PRKN: variants seen among roughly 807,000 people sequenced by gnomAD.
PRKN encodes the protein parkin RBR E3 ubiquitin protein ligase.
PRKN carries 56 observed loss-of-function variants against 59.5 expected under a neutral mutation model. The ratio of observed to expected loss-of-function variants is 0.94; its 90% CI spans 0.76 to 1.18. The LOEUF (loss-of-function observed/expected upper bound fraction) is 1.18. Ranked by LOEUF, PRKN falls within the 50% of genes most tolerant of loss-of-function variation. The pLI is 0.00. For missense variants in PRKN, 657 were observed against 596.4 expected (o/e 1.10, Z -1.06); for synonymous variants, 250 against 222.1 (o/e 1.13, Z -1.12).
At chr6:162,404,070 G>A (rs6455821) in intron 2 of PRKN, among the ~76,000 whole-genome samples, 15,703 of 152,076 alleles carry the variant, frequency 0.1, 1,003 homozygotes, top group African/African-American at 0.18. Context: ...TCATCTGTCA[G>A]TTTAGAAATA....
intron 7 of PRKN, among the ~76,000 whole-genome samples, chr6:161,626,240 T>C (rs981317920): frequency 2.6e-5 from 4 of 152,108 alleles, no homozygotes; most frequent in South Asian, 4.1e-4. Context: ...TTACTGGCTG[T>C]GCGGCTGTTA....
intron 4 of PRKN, among the ~76,000 whole-genome samples, chr6:162,124,940 G>T (rs564337502): frequency 6.6e-6 from 1 of 152,302 alleles, no homozygotes. Flanking sequence ...AAGTGTCAAA[G>T]AAGTCAGGGA....
intron 9 of PRKN, among the ~76,000 whole-genome samples, chr6:161,482,135 A>G (rs1791432574): frequency 6.6e-6 from 1 of 152,244 alleles, no homozygotes; most frequent in Non-Finnish European, 1.5e-5. Context: ...AAAATTTATC[A>G]ATTTTTGAAA....
intron 4 of PRKN, among the ~76,000 whole-genome samples, chr6:162,162,644 G>A (rs1386908151): frequency 1.3e-5 from 2 of 152,132 alleles, no homozygotes; most frequent in African/African-American, 4.8e-5. Flanking sequence ...TAACTCATAT[G>A]CAAATAGTAA....
chr6:162,010,535 A>T lies in PRKN; in HGVS notation c.619-37118T>A, dbSNP rs1477252635. ...TATTATATATTATATAATATATTAT[A>T]TAATGTATTATATTATATATTATAT... On this transcript the variant is annotated intron_variant, in intron 5 of 11. Transcript: ENST00000366898. 6.1e-4 allele frequency among the ~76,000 whole-genome samples: 14 copies of T among 22,912 alleles called. 5 individuals carry two copies. Among genetic ancestry groups the T allele is most frequent in the Non-Finnish European group, 7.2e-4 (12 of 16,704 alleles). The allele number at this position is 22,912 out of a possible 152,430, so 15.0% of individuals were successfully genotyped here.
intron 1 of PRKN, among the ~76,000 whole-genome samples, chr6:162,511,461 T>C (rs1391956590): frequency 6.6e-6 from 1 of 152,178 alleles, no homozygotes; most frequent in Non-Finnish European, 1.5e-5. Flanking sequence ...ATGTCTACAG[T>C]GTTTTCCTTT....
chr6:161,436,076 G>A, intron 9 of PRKN, among the ~76,000 whole-genome samples: 1 of 108,812 alleles, frequency 9.2e-6, no homozygotes, highest in East Asian at 3.1e-4. Flanking sequence ...GGGCAGAGAT[G>A]AAGAGGCAGA....
intron 9 of PRKN, among the ~76,000 whole-genome samples, chr6:161,540,809 G>A (rs1441804564): frequency 6.6e-6 from 1 of 152,236 alleles, no homozygotes; most frequent in South Asian, 2.1e-4. Flanking sequence ...AAGTCCTATA[G>A]GAAAGAAATT....
chr6:162,118,663 C>A (rs1011700912), intron 4 of PRKN, among the ~76,000 whole-genome samples: 1 of 152,198 alleles, frequency 6.6e-6, no homozygotes, highest in East Asian at 1.9e-4. Flanking sequence ...TGCTCTTTTA[C>A]AGCCAAATAA....
chr6:161,430,731 C>T (rs4709523), intron 9 of PRKN, among the ~76,000 whole-genome samples: 105,945 of 147,774 alleles, frequency 0.72, 38,061 homozygotes, highest in East Asian at 0.86. Flanking sequence ...AGGAGAATGG[C>T]GTGAACCTGG....
At chr6:161,789,837 T>C (rs1790568593) in intron 6 of PRKN, among the ~76,000 whole-genome samples, 1 of 152,182 alleles carries the variant, frequency 6.6e-6, no homozygotes, top group East Asian at 1.9e-4. Flanking sequence ...ATTATTCTAG[T>C]GGATAAATGA....
At chr6:162,229,433 T>C (rs540637966) in intron 3 of PRKN, among the ~76,000 whole-genome samples, 8 of 152,310 alleles carry the variant, frequency 5.3e-5, no homozygotes, top group African/African-American at 1.7e-4. Context: ...GCACCTGCTC[T>C]TACCTGGAAT....
intron 1 of PRKN, among the ~76,000 whole-genome samples, chr6:162,580,581 AT>A (rs1232039205): frequency 4.7e-5 from 7 of 148,868 alleles, no homozygotes; most frequent in African/African-American, 1.8e-4. Context: ...AAAAAAAAAA[AT>A]CTGTACGATG....
At chr6:161,857,196 T>C (rs1333298809) in intron 6 of PRKN, among the ~76,000 whole-genome samples, 1 of 152,252 alleles carries the variant, frequency 6.6e-6, no homozygotes, top group Admixed American at 6.5e-5. Flanking sequence ...ACCACGGAAC[T>C]CCAGCCTGGG....
chr6:162,464,659 C>CAAAAAAAAAA (rs1164797005), intron 1 of PRKN, among the ~76,000 whole-genome samples: 4 of 79,832 alleles, frequency 5.0e-5, no homozygotes, highest in African/African-American at 1.3e-4. Context: ...ACTAAAAATA[C>CAAAAAAAAAA]AAAAAAAAAA....
At chr6:161,942,759 T>C (rs1367191068) in intron 6 of PRKN, among the ~76,000 whole-genome samples, 2 of 152,132 alleles carry the variant, frequency 1.3e-5, no homozygotes, top group Non-Finnish European at 2.9e-5. Context: ...TTGGAAACGT[T>C]AAGGTTGGAA....
At chr6:162,600,721 C>T (rs557105878) in intron 1 of PRKN, among the ~76,000 whole-genome samples, 5 of 152,206 alleles carry the variant, frequency 3.3e-5, no homozygotes, top group Admixed American at 2.6e-4. Context: ...AGTGAGTTAT[C>T]GTGAGATCTC....
intron 1 of PRKN, among the ~76,000 whole-genome samples, chr6:162,472,487 A>C (rs1416153520): frequency 8.4e-6 from 1 of 119,204 alleles, no homozygotes. Flanking sequence ...ATTTTATTTT[A>C]TTTTATTTTT....
intron 6 of PRKN, among the ~76,000 whole-genome samples, chr6:161,917,106 TTTTC>T (rs1778595016): frequency 6.6e-6 from 1 of 151,890 alleles, no homozygotes; most frequent in African/African-American, 2.4e-5. Context: ...CCAGCCTAAT[TTTTC>T]TTTTTCTTTT....
Sources: allele counts gnomAD v4.1 joint callset (sites outside exome capture counted in the v4.1 genomes callset), GRCh38; gene constraint gnomAD v4.1.1; transcripts MANE v1.5; gene names NCBI Gene and HGNC (gene_info 2026-07-23, HGNC 2026-07-21).